Variants in APBB2 observed in about 807,000 individuals in gnomAD.
The protein encoded by APBB2 is amyloid beta precursor protein binding family B member 2, also known as Fe65-like 1.
In APBB2, 38 loss-of-function variants were observed where a neutral mutation model predicts 82.5. The observed-to-expected ratio is 0.46, with a 90% CI of 0.36 to 0.60. The LOEUF (loss-of-function observed/expected upper bound fraction) is 0.60. Among genes scored for constraint, APBB2 ranks in the 20% least tolerant of loss-of-function variants. The pLI, the probability that APBB2 is intolerant of heterozygous loss-of-function variation, is 0.00. For missense variants in APBB2, 772 were observed against 972.3 expected, an observed-to-expected ratio of 0.79 and a Z score of 2.74; for synonymous variants, 341 against 368.2, an observed-to-expected ratio of 0.93 and a Z score of 0.85.
At chr4:41,016,107 A>G (rs1157281171) in intron 5 of APBB2, among the ~76,000 whole-genome samples, 3 of 152,164 alleles carry the variant, frequency 2.0e-5, no homozygotes, top group African/African-American at 7.2e-5. Context: ...CATGAGAGAA[A>G]GTTATTTTTA....
intron 7 of APBB2, 197 bp from the exon 8 acceptor site, chr4:40,935,336 A>T (rs3924967): frequency 0.48 from 259,193 of 535,376 alleles, 64,310 homozygotes; most frequent in South Asian, 0.6. Flanking sequence ...CGAGGGCAGG[A>T]GAGTGATGGT....
At chr4:41,019,282 C>A (rs557621066) in intron 5 of APBB2, among the ~76,000 whole-genome samples, 1 of 152,134 alleles carries the variant, frequency 6.6e-6, no homozygotes, top group Non-Finnish European at 1.5e-5. Flanking sequence ...AGTGGAAACA[C>A]AAAAGAGTAA....
intron 6 of APBB2, among the ~76,000 whole-genome samples, chr4:40,987,336 G>A (rs1315589076): frequency 6.6e-6 from 1 of 152,168 alleles, no homozygotes; most frequent in Non-Finnish European, 1.5e-5. Flanking sequence ...TTTGGCAGAA[G>A]TTGTTTTCTT....
chr4:41,134,130 C>A (rs1165109622), intron 2 of APBB2, among the ~76,000 whole-genome samples: 1 of 152,150 alleles, frequency 6.6e-6, no homozygotes, highest in Non-Finnish European at 1.5e-5. Context: ...GCCACCATAC[C>A]TGGCTAATTT....
chr4:40,946,232 CA>C lies in APBB2; in HGVS notation c.836-1160del, dbSNP rs55995119. ...GGGCGACAGAGTGAGACTCTATCTC[CA>C]AAAAAAAAAAAAAAAAAAAAACATT... On this transcript the variant is annotated intron_variant, in intron 6 of 17. Coordinates refer to ENST00000508593, the MANE Select transcript of APBB2 (RefSeq NM_004307.2). Among the ~76,000 whole-genome samples the C allele has an allele frequency of 2.1e-3, 166 of 78,684 alleles. 2 individuals are homozygous for C. Among genetic ancestry groups the C allele is most frequent in the African/African-American group, 4.8e-3 (94 of 19,502 alleles). 51.6% of individuals were successfully genotyped at this position (78,684 alleles called of 152,430 possible).
chr4:41,158,584 T>C (rs1183390852), intron 1 of APBB2, among the ~76,000 whole-genome samples: 2 of 152,104 alleles, frequency 1.3e-5, no homozygotes, highest in East Asian at 3.9e-4. Context: ...GAAACACTGG[T>C]TGAAAGCAAG....
intron 6 of APBB2, among the ~76,000 whole-genome samples, chr4:40,965,039 G>C (rs1461230649): frequency 2.6e-5 from 4 of 151,836 alleles, no homozygotes; most frequent in Non-Finnish European, 4.4e-5. Context: ...AAAATTGCTT[G>C]AACTCGGGAG....
chr4:40,843,008 T>A (rs1355455661), intron 12 of APBB2, among the ~76,000 whole-genome samples: 1 of 152,140 alleles, frequency 6.6e-6, no homozygotes, highest in African/African-American at 2.4e-5. Flanking sequence ...CAAGTCTGGT[T>A]GGGGCCACAC....
At chr4:40,980,715 T>C (rs1231391160) in intron 6 of APBB2, among the ~76,000 whole-genome samples, 1 of 152,256 alleles carries the variant, frequency 6.6e-6, no homozygotes, top group Non-Finnish European at 1.5e-5. Context: ...GCTTAACTGC[T>C]GCACATGGGC....
chr4:41,014,593 G>A (rs1159431640), intron 5 of APBB2, 195 bp from the exon 6 acceptor site: 12 of 576,570 alleles, frequency 2.1e-5, no homozygotes, highest in Middle Eastern at 4.6e-4. Context: ...AGGGCTTAAC[G>A]TGGATAACCA....
intron 12 of APBB2, chr4:40,857,247 C>T (rs1761552758): frequency 1.1e-6 from 1 of 875,084 alleles, no homozygotes; most frequent in Admixed American, 6.2e-5. Flanking sequence ...GGCCCCGCCC[C>T]ACCCGGCCGC....
chr4:40,890,747 T>C (rs1413943155), intron 11 of APBB2: 2 of 381,370 alleles, frequency 5.2e-6, no homozygotes, highest in South Asian at 5.0e-5. Flanking sequence ...TGCTCTTAAA[T>C]TTAATTATTT....
At chr4:40,818,076 T>C (rs1746430724) in intron 17 of APBB2, among the ~76,000 whole-genome samples, 1 of 152,218 alleles carries the variant, frequency 6.6e-6, no homozygotes, top group Non-Finnish European at 1.5e-5. Context: ...GTTGGGCCTA[T>C]ACCACACAGC....
chr4:40,972,320 C>T (rs1452133294), intron 6 of APBB2, among the ~76,000 whole-genome samples: 1 of 151,632 alleles, frequency 6.6e-6, no homozygotes, highest in South Asian at 2.1e-4. Context: ...CCCAGCTACT[C>T]GGGAGGCTGA....
chr4:41,050,803 G>A (rs769084322), intron 4 of APBB2, among the ~76,000 whole-genome samples: 11 of 152,296 alleles, frequency 7.2e-5, no homozygotes, highest in South Asian at 4.2e-4. Context: ...TCTCATCCAC[G>A]TCAGGATTTT....
chr4:41,086,827 TA>T (rs532989856), intron 3 of APBB2, among the ~76,000 whole-genome samples: 13 of 149,222 alleles, frequency 8.7e-5, no homozygotes, highest in Non-Finnish European at 1.3e-4. Context: ...GCAACTTGGC[TA>T]AAAAAAAAAT....
At chr4:40,911,162 C>A in intron 10 of APBB2, among the ~76,000 whole-genome samples, 1 of 152,156 alleles carries the variant, frequency 6.6e-6, no homozygotes, top group East Asian at 1.9e-4. Context: ...TTTTGTCAAG[C>A]AAATGCAGAT....
intron 1 of APBB2, among the ~76,000 whole-genome samples, chr4:41,210,601 C>T (rs1489673311): frequency 6.6e-6 from 1 of 152,206 alleles, no homozygotes; most frequent in African/African-American, 2.4e-5. Flanking sequence ...TATCTTCTGA[C>T]ATCTAATTTC....
intron 5 of APBB2, among the ~76,000 whole-genome samples, chr4:41,027,404 T>C (rs866368648): frequency 2.3e-4 from 30 of 130,514 alleles, no homozygotes; most frequent in Non-Finnish European, 4.2e-4. Flanking sequence ...TATATATATA[T>C]AACATTTTCA....
Sources: allele counts gnomAD v4.1 joint callset (sites outside exome capture counted in the v4.1 genomes callset), GRCh38; gene constraint gnomAD v4.1.1; transcripts MANE v1.5; gene names NCBI Gene and HGNC (gene_info 2026-07-23, HGNC 2026-07-21).